Variants in DDX60 observed in about 807,000 individuals in gnomAD.
DDX60 encodes probable ATP-dependent RNA helicase DDX60.
Under a neutral mutation model 212.8 loss-of-function variants are expected in DDX60, and 165 were observed. The ratio of observed to expected loss-of-function variants is 0.78; its 90% CI spans 0.68 to 0.88. The LOEUF is 0.88. DDX60 is among the 40% of genes least tolerant of loss of function. DDX60 has a pLI of 0.00. For synonymous variants in DDX60, 703 were observed against 685.3 expected, an observed-to-expected ratio of 1.03 and a Z score of -0.40; for missense variants, 1,905 against 2,003.9, an observed-to-expected ratio of 0.95 and a Z score of 0.94.
intron 35 of DDX60, among the ~76,000 whole-genome samples, chr4:168,223,038 CT>C (rs1297452534): frequency 6.6e-6 from 1 of 152,134 alleles, no homozygotes; most frequent in Admixed American, 6.6e-5. Context: ...TATTCCTTCA[CT>C]TTTCATAAAA....
rs1396390067 is a variant in DDX60 at position 168,225,518 on chromosome 4, A to G, written c.4681+11T>C. On this transcript the variant is annotated intron_variant, in intron 34 of 37. Transcript: ENST00000393743. ...TCAAATTGTTCCACAATGGAGGTAAAATATACTTACTGATTTTTGACAATG... is the reference window on the plus strand; with the variant it reads ...TCAAATTGTTCCACAATGGAGGTAAGATATACTTACTGATTTTTGACAATG... 6.3e-7 allele frequency: 1 copy of G among 1,599,438 alleles called. No individual in the cohort carries two copies. The highest frequency in any genetic ancestry group is 1.4e-5 in the African/African-American group (1 of 73,960).
intron 27 of DDX60, 101 bp downstream of exon 27, chr4:168,252,401 AATTATGT>A: frequency 7.6e-7 from 1 of 1,315,586 alleles, no homozygotes; most frequent in Non-Finnish European, 1.1e-6. Flanking sequence ...GGATTGTATT[AATTATGT>A]ATTATATTAT....
At chr4:168,325,049 A>C in the DDX60 span, among the ~76,000 whole-genome samples, 1 of 152,222 alleles carries the variant, frequency 6.6e-6, no homozygotes, top group African/African-American at 2.4e-5. Flanking sequence ...TTTTTAAAAA[A>C]CAAATTTCTG....
chr4:168,314,373 C>G (rs1560886082), intron 1 of DDX60, among the ~76,000 whole-genome samples: 1 of 151,516 alleles, frequency 6.6e-6, no homozygotes, highest in South Asian at 2.1e-4. Context: ...TTGAGGCACA[C>G]AAAAAAAGCA....
intron 14 of DDX60, 68 bp from the exon 15 acceptor site, chr4:168,276,249 A>T (rs545918131): frequency 2.3e-6 from 3 of 1,324,498 alleles, no homozygotes; most frequent in Non-Finnish European, 3.1e-6. Context: ...ATTACCCAAG[A>T]TTAATCATCT....
At chr4:168,269,611 A>T (rs947089737) in intron 19 of DDX60, among the ~76,000 whole-genome samples, 3 of 151,868 alleles carry the variant, frequency 2.0e-5, no homozygotes, top group Non-Finnish European at 4.4e-5. Context: ...AAAAAAAAAA[A>T]GTTTAAAAAG....
At chr4:168,236,455 A>G in intron 32 of DDX60, 82 bp from the exon 33 acceptor site, 6 of 1,250,646 alleles carry the variant, frequency 4.8e-6, no homozygotes, top group Non-Finnish European at 5.5e-6. Context: ...GTCATATTAC[A>G]TTTAATTTCA....
chr4:168,219,051 C>T (rs1732951152), intron 37 of DDX60, among the ~76,000 whole-genome samples: 4 of 151,180 alleles, frequency 2.6e-5, no homozygotes, highest in Non-Finnish European at 5.9e-5. Flanking sequence ...GAGGCCAAGG[C>T]GGGTGGATTG....
chr4:168,221,884 G>GA lies in DDX60; in HGVS notation c.4825-4dup, dbSNP rs34103425. ...ACACCGATTGTGCCTAGAGTAACCT[G>GA]AAAAAATACGATTATTCTTAATGTA... On this transcript the variant is annotated splice_polypyrimidine_tract_variant and splice_region_variant and intron_variant, in intron 35 of 37. Coordinates refer to ENST00000393743, the MANE Select transcript of DDX60 (RefSeq NM_017631.6). 1 of 1,604,088 alleles carries GA rather than the reference G, an allele frequency of 6.2e-7. No homozygotes were observed. Among genetic ancestry groups the GA allele is most frequent in the Admixed American group, 1.7e-5 (1 of 59,096 alleles).
Position 168,236,460 on chromosome 4 carries a change from AT to A in DDX60, c.4412-88del, listed in dbSNP as rs1189162595. ...TAAATGGAATGTCATATTACATTTAATTTCATGGAAACTAAAAATTTATGAC... is the reference window on the plus strand; with the variant it reads ...TAAATGGAATGTCATATTACATTTAATTCATGGAAACTAAAAATTTATGAC... On this transcript the variant is annotated intron_variant, in intron 32 of 37. Coordinates refer to ENST00000393743, the MANE Select transcript of DDX60 (RefSeq NM_017631.6). 3 of 1,214,368 alleles carry A rather than the reference AT, an allele frequency of 2.5e-6. No individual in the cohort carries two copies. The African/African-American group carries it at 4.7e-5, about 19-fold the overall frequency. 75.2% of individuals were successfully genotyped at this position (1,214,368 alleles called of 1,614,324 possible).
chr4:168,247,210 C>T (rs1211240522), intron 29 of DDX60, among the ~76,000 whole-genome samples: 6 of 152,288 alleles, frequency 3.9e-5, no homozygotes, highest in South Asian at 2.1e-4. Context: ...ATGTAAGAGA[C>T]GTACCCATAC....
chr4:168,271,759 T>G (rs936707983), intron 19 of DDX60, among the ~76,000 whole-genome samples: 1 of 152,188 alleles, frequency 6.6e-6, no homozygotes, highest in South Asian at 2.1e-4. Context: ...CAGGGAAACT[T>G]GTACCAGGAT....
intron 13 of DDX60, among the ~76,000 whole-genome samples, chr4:168,282,606 T>G (rs1009547979): frequency 1.3e-5 from 2 of 152,172 alleles, no homozygotes; most frequent in African/African-American, 4.8e-5. Flanking sequence ...ACCTTTCATC[T>G]TGAGAGAAAC....
intron 27 of DDX60, among the ~76,000 whole-genome samples, chr4:168,251,811 G>A (rs898686563): frequency 1.3e-5 from 2 of 152,144 alleles, no homozygotes; most frequent in South Asian, 2.1e-4. Flanking sequence ...ACACACATAC[G>A]CAAAATGTAT....
intron 22 of DDX60, among the ~76,000 whole-genome samples, chr4:168,265,265 G>C (rs616531): frequency 0.43 from 65,206 of 151,934 alleles, 15,211 homozygotes; most frequent in African/African-American, 0.63. Context: ...GTGGATGGCC[G>C]TTCTTATGTT....
At chr4:168,286,255 A>C (rs1344439997) in intron 10 of DDX60, among the ~76,000 whole-genome samples, 2 of 151,980 alleles carry the variant, frequency 1.3e-5, no homozygotes, top group African/African-American at 2.4e-5. Flanking sequence ...GAGATTATAT[A>C]TCTATATACA....
At chr4:168,225,240 A>C (rs923071459) in intron 34 of DDX60, among the ~76,000 whole-genome samples, 5 of 152,022 alleles carry the variant, frequency 3.3e-5, no homozygotes, top group Admixed American at 6.6e-5. Flanking sequence ...GAGTGACAGA[A>C]TTCGTCTCTA....
chr4:168,281,206 T>G (rs1735578817), intron 13 of DDX60, among the ~76,000 whole-genome samples: 1 of 152,172 alleles, frequency 6.6e-6, no homozygotes, highest in South Asian at 2.1e-4. Context: ...GCCTCTCTTT[T>G]CATTTCTCCA....
chr4:168,261,875 G>C (rs1734636874), intron 24 of DDX60, 125 bp downstream of exon 24: 2 of 1,140,058 alleles, frequency 1.8e-6, no homozygotes, highest in Non-Finnish European at 2.4e-6. Flanking sequence ...TAGACTTCAA[G>C]TTCAACTTAA....
Sources: gnomAD v4.1 joint callset for allele counts (sites outside exome capture counted in the v4.1 genomes callset) on GRCh38, gnomAD v4.1.1 for gene constraint, MANE v1.5 for transcripts, NCBI Gene and HGNC (gene_info 2026-07-23, HGNC 2026-07-21) for gene names.